The following TNXB variants were observed in gnomAD, a reference collection of about 807,000 sequenced individuals.
TNXB encodes tenascin-X.
In TNXB, 183 loss-of-function variants were observed where a neutral mutation model predicts 340.5. That is an observed-to-expected ratio of 0.54 (90% CI 0.48 to 0.61). TNXB has a LOEUF of 0.61. TNXB is among the 20% of genes least tolerant of loss of function. The pLI is 0.00. For synonymous variants in TNXB, 2,121 were observed against 2,314.5 expected (o/e 0.92, Z 2.40); for missense variants, 4,613 against 5,446.4 (o/e 0.85, Z 4.82).
intron 1 of TNXB, among the ~76,000 whole-genome samples, chr6:32,104,773 C>T (rs1780896754): frequency 6.6e-6 from 1 of 152,028 alleles, no homozygotes; most frequent in Non-Finnish European, 1.5e-5. Context: ...GTAGTTGGGA[C>T]TACAGGTGTG....
Position 32,086,063 on chromosome 6 carries a change from G to C in TNXB, c.2835C>G (p.Pro945=). The change falls in exon 7 of 44, where the codon CCC becomes CCG. Residue 945 remains proline (P), a synonymous_variant. Coordinates refer to ENST00000644971, the MANE Select transcript of TNXB (RefSeq NM_001365276.2). ...GAGCCTGGGCCCCTTGCGTCGTCGAGGGGCCTGAGGGAGGAGGCTCATCGG... is the reference window on the plus strand; with the variant it reads ...GAGCCTGGGCCCCTTGCGTCGTCGACGGGCCTGAGGGAGGAGGCTCATCGG... ...GTTDEPPPSG[P]STTQGAQAPL... is the part of the protein sequence containing the mutation. 6.3e-7 allele frequency: 1 copy of C among 1,587,618 alleles called. No individual in the cohort carries two copies. Among genetic ancestry groups the C allele is most frequent in the Non-Finnish European group, 8.6e-7 (1 of 1,168,226 alleles).
Position 32,075,862 on chromosome 6 carries a change from G to A in TNXB, c.4376-1910C>T, listed in dbSNP as rs1189765895. On this transcript the variant is annotated intron_variant, in intron 11 of 43. Coordinates refer to ENST00000644971, the MANE Select transcript of TNXB (RefSeq NM_001365276.2). This position sits in a 1 kb window ranked among gnomAD's most constrained non-coding sequence, Gnocchi z 4.6. ...AAATGGCAGAGAAGGTGGCTGGATG[G>A]GTGGGGCTCCCAAGAACTTGTTTCT... Among the ~76,000 whole-genome samples the A allele has an allele frequency of 6.6e-6, 1 of 152,112 alleles. No individual in the cohort carries two copies. The highest frequency in any genetic ancestry group is 2.4e-5 in the African/African-American group (1 of 41,370).
rs777498453 is a variant in TNXB at position 32,049,567 on chromosome 6, T to C, written c.9460A>G (p.Thr3154Ala). 47 of 1,610,982 alleles carry C rather than the reference T, an allele frequency of 2.9e-5. No individual in the cohort carries two copies. In the Admixed American group the frequency reaches 7.2e-4, roughly 25 times the overall value. ...GVTEEETPSPTEPSTEAPEAP... is the reference protein window; with the variant it reads ...GVTEEETPSPAEPSTEAPEAP... ...TCCGGGGCCTCAGTGCTGGGTTCTG[T>C]GGGGCTGGGGGTCTCTTCCTCTGCA... The change falls in exon 28 of 44, where the codon ACA (threonine) becomes GCA (alanine). Residue 3154 changes from threonine to alanine, a missense_variant. Around this residue, in one of 7 missense-constraint regions of TNXB, gnomAD observed 4,327 missense variants for 4,859.4 expected, o/e 0.89. Transcript: ENST00000644971. The surrounding 1 kb of genome is among the most constrained non-coding windows in gnomAD (Gnocchi z 4.5).
At chr6:32,076,472 C>T (rs1482833152) in intron 11 of TNXB, among the ~76,000 whole-genome samples, 1 of 152,176 alleles carries the variant, frequency 6.6e-6, no homozygotes, top group East Asian at 1.9e-4. Flanking sequence ...CTATTTTATC[C>T]AGGACGTGTA....
Position 32,069,634 on chromosome 6 carries a change from G to A in TNXB, c.5506C>T (p.Pro1836Ser). Residue 1836 changes from proline (P) to serine (S), a missense_variant, in exon 15 of 44, where the codon CCT becomes TCT. By Grantham distance (74) the Pro-to-Ser change is moderately conservative. Coordinates refer to ENST00000644971, the MANE Select transcript of TNXB (RefSeq NM_001365276.2). This position sits in a 1 kb window ranked among gnomAD's most constrained non-coding sequence, Gnocchi z 6.2. Reference sequence around the variant, plus strand: ...AGCAGCAGCTTGTACCTGTGGGCAGGGTCCAGGCCCGGCACGCTGACCTCC... The same window carrying A: ...AGCAGCAGCTTGTACCTGTGGGCAGAGTCCAGGCCCGGCACGCTGACCTCC... ...LREVSVPGLD[P>S]AHRYKLLLYG... is the part of the protein sequence containing the mutation. 1.9e-6 allele frequency: 3 copies of A among 1,611,988 alleles called. No homozygotes were observed. The highest frequency in any genetic ancestry group is 2.5e-6 in the Non-Finnish European group (3 of 1,179,020).
chr6:32,095,598 G>T lies in TNXB; in HGVS notation c.2242+13C>A, dbSNP rs779415707. ...ACAGTCCCAGAGTACACTGGGGAAGGCTGCCTGCTCACCTTCTCCGCAGTC... is the reference window on the plus strand; with the variant it reads ...ACAGTCCCAGAGTACACTGGGGAAGTCTGCCTGCTCACCTTCTCCGCAGTC... On this transcript the variant is annotated intron_variant, in intron 3 of 43. Coordinates refer to ENST00000644971, the MANE Select transcript of TNXB (RefSeq NM_001365276.2). 11 of 1,603,476 alleles carry T rather than the reference G, an allele frequency of 6.9e-6. No homozygotes were observed. In the South Asian group the frequency reaches 1.2e-4, roughly 18 times the overall value.
At position 32,079,393 on chromosome 6, in the gene TNXB, G is replaced by T; in HGVS notation, c.4043-28C>A. ...GAGAGAAGAGATAGAGGCATAAAGG[G>T]CTGCTGGCTTTGCTGCTGCTGCCCA... On this transcript the variant is annotated intron_variant, in intron 10 of 43. Transcript: ENST00000644971. This position sits in a 1 kb window ranked among gnomAD's most constrained non-coding sequence, Gnocchi z 7.1. The T allele has an allele frequency of 6.4e-7, 1 of 1,551,530 alleles. No individual in the cohort carries two copies. The highest frequency in any genetic ancestry group is 8.7e-7 in the Non-Finnish European group (1 of 1,144,292).
intron 3 of TNXB, 61 bp downstream of exon 3, chr6:32,095,550 C>A (rs916962072): frequency 6.4e-7 from 1 of 1,559,454 alleles, no homozygotes; most frequent in South Asian, 1.2e-5. Context: ...CAGGTCTTCC[C>A]CATGGCTCCT....
rs563472994 is a variant in TNXB at position 32,089,349 on chromosome 6, G to A, written c.2389C>T (p.Arg797Trp). ...TAGGCTGAGGCAGAGCTTGGAACCC[G>A]TGCTGTGAATGGGGGGCTCGCCCCC... ...TEGASPPFTA[R>W]VPSSASAYDQ... is the part of the protein sequence containing the mutation. The change falls in exon 5 of 44, where the codon CGG becomes TGG. Residue 797 changes from arginine (R) to tryptophan (W), a missense_variant. Around this residue, in one of 7 missense-constraint regions of TNXB, gnomAD observed 4,327 missense variants for 4,859.4 expected, o/e 0.89. Transcript: ENST00000644971. This position sits in a 1 kb window ranked among gnomAD's most constrained non-coding sequence, Gnocchi z 6.2. The A allele has an allele frequency of 1.6e-5, 25 of 1,608,230 alleles. No homozygotes were observed. Among genetic ancestry groups the A allele is most frequent in the East Asian group, 6.7e-5 (3 of 44,874 alleles).
At position 32,100,555 on chromosome 6, in the gene TNXB, C is replaced by T. The variant is rs929763615; in HGVS notation, c.-8-2349G>A. On this transcript the variant is annotated intron_variant, in intron 1 of 43. Coordinates refer to ENST00000644971, the MANE Select transcript of TNXB (RefSeq NM_001365276.2). Reference sequence around the variant, plus strand: ...CCAGCCTGGGTAAGATAGTGAGACTCTGTCTCTACAAAAAACAAAAAGAAT... The same window carrying T: ...CCAGCCTGGGTAAGATAGTGAGACTTTGTCTCTACAAAAAACAAAAAGAAT... Among the ~76,000 whole-genome samples, 1 of 152,074 alleles carries T rather than the reference C, an allele frequency of 6.6e-6. No individual in the cohort carries two copies. Among genetic ancestry groups the T allele is most frequent in the Non-Finnish European group, 1.5e-5 (1 of 68,022 alleles).
Position 32,097,612 on chromosome 6 carries a change from C to A in TNXB, c.404-163G>T. ...GTGTAATGTATGCAGCCTCTCAGGG[C>A]CCTCGCATATGCTTTGGTTGACATG... On this transcript the variant is annotated intron_variant, in intron 2 of 43. Transcript: ENST00000644971. The surrounding 1 kb of genome is among the most constrained non-coding windows in gnomAD (Gnocchi z 5.9). The A allele has an allele frequency of 1.8e-6, 2 of 1,099,558 alleles. No individual in the cohort carries two copies. The highest frequency in any genetic ancestry group is 3.4e-5 in the South Asian group (2 of 59,564). The allele number at this position is 1,099,558 out of a possible 1,614,324, so 68.1% of individuals were successfully genotyped here. A position where few individuals can be genotyped will look rare whatever the true frequency, so the allele number is the denominator to read the frequency against.
Position 32,062,407 on chromosome 6 carries a change from C to T in TNXB, c.6918G>A (p.Leu2306=), listed in dbSNP as rs1263434108. The T allele has an allele frequency of 6.2e-7, 1 of 1,613,210 alleles. No individual in the cohort carries two copies. Among genetic ancestry groups the T allele is most frequent in the Non-Finnish European group, 8.5e-7 (1 of 1,179,862 alleles). Residue 2306 remains leucine (L), a synonymous_variant, in exon 20 of 44, where the codon CTG becomes CTA. Transcript: ENST00000644971. This position sits in a 1 kb window ranked among gnomAD's most constrained non-coding sequence, Gnocchi z 4.3. ...PTPEPPIKPR[L]EELTVTDATP... ...TCGCATCTGTCACGGTCAGCTCCTC[C>T]AGGCGAGGCTTGATGGGGGGTTCAG...
rs1323099458 is a variant in TNXB, at chr6:32,096,833, C to A, written c.1020G>T (p.Arg340=). 3 of 1,601,734 alleles carry A rather than the reference C, an allele frequency of 1.9e-6. No individual in the cohort carries two copies. The highest frequency in any genetic ancestry group is 2.6e-6 in the Non-Finnish European group (3 of 1,175,356). ...CCTCGCCACAGTCCCAGGGGCAGCT[C>A]CGCGTACCACAGTCCTCGCCAGTGT... ...PGYTGEDCGT[R]SCPWDCGEGG... is the part of the protein sequence containing the mutation. Residue 340 remains arginine, a synonymous_variant, in exon 3 of 44, where the codon CGG becomes CGT. Transcript: ENST00000644971.
In TNXB at chr6:32,075,896, C is replaced by T. The variant is rs1311781204; in HGVS notation, c.4376-1944G>A. Among the ~76,000 whole-genome samples the T allele has an allele frequency of 1.3e-5, 2 of 152,202 alleles. No individual in the cohort carries two copies. Among genetic ancestry groups the T allele is most frequent in the African/African-American group, 2.4e-5 (1 of 41,450 alleles). On this transcript the variant is annotated intron_variant, in intron 11 of 43. Coordinates refer to ENST00000644971, the MANE Select transcript of TNXB (RefSeq NM_001365276.2). The surrounding 1 kb of genome is among the most constrained non-coding windows in gnomAD (Gnocchi z 4.6). ...CCCAAGAACTTGTTTCTCTGGCTTC[C>T]TCCGGAGGGCAAGACAAGGCTCCAA...
At position 32,062,359 on chromosome 6, in the gene TNXB, G is replaced by A. The variant is rs748240839; in HGVS notation, c.6966C>T (p.Ser2322=). The change falls in exon 20 of 44, where the codon TCC becomes TCT. Residue 2322 remains serine, a synonymous_variant. Transcript: ENST00000644971. This position sits in a 1 kb window ranked among gnomAD's most constrained non-coding sequence, Gnocchi z 4.3. ...CAAACTGTCCCTCGGGAACCGTCCA[G>A]GACAGGCTGAGGGAGTCAGGGGTCG... The part of the protein sequence containing the change: ...TDATPDSLSL[S]WTVPEGQFDH... 3 of 1,613,432 alleles carry A rather than the reference G, an allele frequency of 1.9e-6. No homozygotes were observed. In the African/African-American group the frequency reaches 4.0e-5, roughly 22 times the overall value.
At chr6:32,101,302 T>G (rs563110265) in intron 1 of TNXB, among the ~76,000 whole-genome samples, 2 of 152,168 alleles carry the variant, frequency 1.3e-5, no homozygotes, top group South Asian at 4.1e-4. Flanking sequence ...GCTCATTTTT[T>G]TTGTAGAGAT....
intron 1 of TNXB, among the ~76,000 whole-genome samples, chr6:32,101,587 C>CA: frequency 7.6e-6 from 1 of 131,912 alleles, no homozygotes; most frequent in African/African-American, 3.0e-5. Flanking sequence ...CCGCACCCAG[C>CA]CTTTTTTTTT....
intron 26 of TNXB, among the ~76,000 whole-genome samples, chr6:32,050,834 C>T (rs1777245046): frequency 6.6e-6 from 1 of 152,154 alleles, no homozygotes; most frequent in Non-Finnish European, 1.5e-5. Flanking sequence ...CCACTGTCAC[C>T]TCTCACCAGG....
At chr6:32,056,223 T>C in intron 23 of TNXB, 49 bp from the exon 24 acceptor site, 2 of 1,575,550 alleles carry the variant, frequency 1.3e-6, no homozygotes, top group Non-Finnish European at 1.7e-6. Flanking sequence ...GGGGATGTGC[T>C]CAGGTCTTCA....
Sources: allele counts gnomAD v4.1 joint callset (sites outside exome capture counted in the v4.1 genomes callset), GRCh38; gene constraint gnomAD v4.1.1; regional missense constraint gnomAD v4.1.1; non-coding constraint Gnocchi (gnomAD v3.1); transcripts MANE v1.5; gene names NCBI Gene and HGNC (gene_info 2026-07-23, HGNC 2026-07-21).